Variants in CFAP54 observed in about 807,000 individuals in gnomAD.
CFAP54 encodes the protein cilia and flagella associated protein 54, also known as cilia- and flagella-associated protein 54.
CFAP54 carries 290 observed loss-of-function variants against 370.4 expected under a neutral mutation model. The observed-to-expected ratio is 0.78, with a 90% CI of 0.71 to 0.86. The LOEUF (loss-of-function observed/expected upper bound fraction) is 0.86, where lower values mean the gene tolerates loss of function less well. Among genes scored for constraint, CFAP54 ranks in the 40% least tolerant of loss-of-function variants. The pLI is 0.00. For synonymous variants in CFAP54, 1,206 were observed against 1,236.5 expected (o/e 0.98, Z 0.52); for missense variants, 3,399 against 3,528.7 (o/e 0.96, Z 0.93).
At chr12:96,615,651 C>T (rs1299244057) in intron 26 of CFAP54, among the ~76,000 whole-genome samples, 2 of 152,056 alleles carry the variant, frequency 1.3e-5, no homozygotes, top group African/African-American at 4.8e-5. Context: ...ACAAAGAACT[C>T]AAACAAATTT....
chr12:96,520,612 T>C (rs978445037), intron 6 of CFAP54, among the ~76,000 whole-genome samples: 3 of 152,244 alleles, frequency 2.0e-5, no homozygotes, highest in South Asian at 2.1e-4. Context: ...GCACCTTCTC[T>C]ACATTATGTG....
intron 38 of CFAP54, among the ~76,000 whole-genome samples, chr12:96,662,315 A>G (rs967558933): frequency 1.3e-5 from 2 of 152,012 alleles, no homozygotes; most frequent in African/African-American, 2.4e-5. Context: ...AGCGATTTTC[A>G]TGCCTCAGCT....
At chr12:96,613,048 C>T (rs1398354449) in intron 26 of CFAP54, among the ~76,000 whole-genome samples, 1 of 152,154 alleles carries the variant, frequency 6.6e-6, no homozygotes, top group African/African-American at 2.4e-5. Context: ...AACTCTCCAC[C>T]CCAAATCAAC....
At position 96,576,743 on chromosome 12, in the gene CFAP54, A is replaced by G. The variant is rs1016355672; in HGVS notation, c.2778A>G (p.Pro926=). The G allele has an allele frequency of 3.3e-6, 5 of 1,534,802 alleles. No homozygotes were observed. The highest frequency in any genetic ancestry group is 2.4e-5 in the East Asian group (1 of 40,894). The change falls in exon 20 of 68, where the codon CCA becomes CCG. Residue 926 remains proline, a synonymous_variant. Coordinates refer to ENST00000524981, the MANE Select transcript of CFAP54 (RefSeq NM_001306084.2). ...GTTCTGTGACACTCAAACCTGCTCC[A>G]TTTACTTCAGAGGTTAAGGTATGGT... ...THCSVTLKPA[P]FTSEVKVSWY...
intron 17 of CFAP54, among the ~76,000 whole-genome samples, chr12:96,558,590 A>G (rs1300896590): frequency 6.6e-6 from 1 of 152,112 alleles, no homozygotes. Context: ...AAATTCACAC[A>G]CCTACAGTGA....
intron 65 of CFAP54, among the ~76,000 whole-genome samples, chr12:96,821,048 C>T (rs551928064): frequency 2.0e-5 from 3 of 152,264 alleles, no homozygotes; most frequent in East Asian, 3.9e-4. Context: ...ATTGTACCCT[C>T]TGCCACTCAG....
chr12:96,792,945 A>T (rs1958718154), intron 63 of CFAP54, among the ~76,000 whole-genome samples: 2 of 151,966 alleles, frequency 1.3e-5, no homozygotes, highest in Admixed American at 1.3e-4. Context: ...ATTGGTCATG[A>T]TATATTTATT....
At chr12:96,753,965 A>C in intron 56 of CFAP54, 67 bp downstream of exon 56, 2 of 1,518,386 alleles carry the variant, frequency 1.3e-6, no homozygotes, top group Non-Finnish European at 1.8e-6. Flanking sequence ...CAACAACAGG[A>C]TTCTTGAAAA....
At chr12:96,504,705 C>T (rs78325484) in intron 3 of CFAP54, among the ~76,000 whole-genome samples, 43 of 152,294 alleles carry the variant, frequency 2.8e-4, no homozygotes, top group Non-Finnish European at 5.7e-4. Context: ...GAGGACTATT[C>T]AAGGGTTTGG....
intron 60 of CFAP54, among the ~76,000 whole-genome samples, chr12:96,781,631 A>G (rs1958581787): frequency 6.6e-6 from 1 of 152,180 alleles, no homozygotes; most frequent in African/African-American, 2.4e-5. Context: ...GTACTATTAG[A>G]ACACAAAGGA....
intron 26 of CFAP54, among the ~76,000 whole-genome samples, chr12:96,611,205 C>T (rs866250380): frequency 7.9e-5 from 12 of 152,214 alleles, no homozygotes; most frequent in African/African-American, 2.7e-4. Context: ...GAGGAATGAT[C>T]AGGCAGCAAC....
chr12:96,536,158 C>T (rs953189935), intron 12 of CFAP54, among the ~76,000 whole-genome samples: 1 of 151,910 alleles, frequency 6.6e-6, no homozygotes, highest in African/African-American at 2.4e-5. Context: ...AAACATGTGC[C>T]GTGGTGGTTT....
intron 55 of CFAP54, 142 bp downstream of exon 55, chr12:96,744,288 T>C (rs1451698191): frequency 2.7e-6 from 2 of 743,452 alleles, no homozygotes; most frequent in East Asian, 5.5e-5. Context: ...CAATAGTTTT[T>C]GATCACTTAT....
intron 66 of CFAP54, among the ~76,000 whole-genome samples, chr12:96,853,156 C>T (rs1290128455): frequency 6.6e-6 from 1 of 151,780 alleles, no homozygotes; most frequent in African/African-American, 2.4e-5. Context: ...ATTCATAACA[C>T]CAAAAAATTG....
rs1293858722 is a variant in CFAP54 at position 96,679,612 on chromosome 12, C to T, written c.5576C>T (p.Ala1859Val). The change falls in exon 40 of 68, where the codon GCC becomes GTC. Residue 1859 changes from alanine (A) to valine (V), a missense_variant. Ala to Val is a moderately conservative substitution (Grantham distance 64). Around this residue, in one of 3 missense-constraint regions of CFAP54, gnomAD observed 2,796 missense variants for 2,869.7 expected, o/e 0.97. Transcript: ENST00000524981. ...KMLISSEYSR[A>V]KALVCVPVDV... ...TCTTTCCTTTCAGAATACAGCCGAG[C>T]CAAAGCGCTTGTCTGCGTGCCCGTG... 3 of 1,612,006 alleles carry T rather than the reference C, an allele frequency of 1.9e-6. No individual in the cohort carries two copies. The highest frequency in any genetic ancestry group is 2.2e-5 in the East Asian group (1 of 44,778).
Position 96,547,968 on chromosome 12 carries a change from C to T in CFAP54, c.2144C>T (p.Pro715Leu). ...GAPKGITEIL[P>L]ILQKNPVEQL... Reference sequence around the variant, plus strand: ...CCAAAAGGGATCACAGAAATTCTTCCAATATTACAGGTATTACTACATATT... The same window carrying T: ...CCAAAAGGGATCACAGAAATTCTTCTAATATTACAGGTATTACTACATATT... The change falls in exon 15 of 68, where the codon CCA becomes CTA. Residue 715 changes from proline (P) to leucine (L), a missense_variant. By Grantham distance (98) the Pro-to-Leu change is moderately conservative. Coordinates refer to ENST00000524981, the MANE Select transcript of CFAP54 (RefSeq NM_001306084.2). 1 of 1,469,990 alleles carries T rather than the reference C, an allele frequency of 6.8e-7. No homozygotes were observed. The highest frequency in any genetic ancestry group is 9.1e-7 in the Non-Finnish European group (1 of 1,100,418). 91.1% of individuals were successfully genotyped at this position (1,469,990 alleles called of 1,614,324 possible). A position where few individuals can be genotyped will look rare whatever the true frequency, so the allele number is the denominator to read the frequency against.
intron 60 of CFAP54, among the ~76,000 whole-genome samples, chr12:96,779,052 A>G (rs1292845863): frequency 1.3e-5 from 2 of 149,344 alleles, no homozygotes; most frequent in Non-Finnish European, 3.0e-5. Context: ...GGTTGCAATG[A>G]GCTGAGATCG....
chr12:96,740,059 T>C lies in CFAP54; in HGVS notation c.7069T>C (p.Ser2357Pro). 1 of 1,526,972 alleles carries C rather than the reference T, an allele frequency of 6.5e-7. No homozygotes were observed. Among genetic ancestry groups the C allele is most frequent in the Non-Finnish European group, 9.0e-7 (1 of 1,105,472 alleles). 94.6% of individuals were successfully genotyped at this position (1,526,972 alleles called of 1,614,324 possible). A position where few individuals can be genotyped will look rare whatever the true frequency, so the allele number is the denominator to read the frequency against. The change falls in exon 51 of 68, where the codon TCT becomes CCT. Residue 2357 changes from serine (S) to proline (P), a missense_variant and splice_region_variant. Around this residue, in one of 3 missense-constraint regions of CFAP54, gnomAD observed 2,796 missense variants for 2,869.7 expected, o/e 0.97. Transcript: ENST00000524981. Reference sequence around the variant, plus strand: ...AGAGAATCCTGTCTCTCCAGGAACTTCTGTAAGTATGACTTAATGTCTGTT... The same window carrying C: ...AGAGAATCCTGTCTCTCCAGGAACTCCTGTAAGTATGACTTAATGTCTGTT... ...DTENPVSPGT[S>P]VTENKDDSEF...
intron 22 of CFAP54, among the ~76,000 whole-genome samples, chr12:96,585,695 T>A (rs980668679): frequency 7.2e-5 from 11 of 152,174 alleles, no homozygotes; most frequent in Non-Finnish European, 5.9e-5. Context: ...AGAAGGCCTA[T>A]GAGCTCTCCT....
Sources: allele counts gnomAD v4.1 joint callset (sites outside exome capture counted in the v4.1 genomes callset), GRCh38; gene constraint gnomAD v4.1.1; regional missense constraint gnomAD v4.1.1; transcripts MANE v1.5; gene names NCBI Gene and HGNC (gene_info 2026-07-23, HGNC 2026-07-21).